The following NT5C2 variants were observed in gnomAD, a reference collection of about 807,000 sequenced individuals.
The protein encoded by NT5C2 is 5'-nucleotidase, cytosolic II, also known as cytosolic purine 5'-nucleotidase.
In NT5C2, 58 loss-of-function variants were observed where a neutral mutation model predicts 76.1. That is an observed-to-expected ratio of 0.76 (90% CI 0.62 to 0.95). The LOEUF (loss-of-function observed/expected upper bound fraction) is 0.95. Ranked by LOEUF, NT5C2 falls within the 40% of genes least tolerant of loss-of-function variation. The probability of loss-of-function intolerance (pLI) is 0.00; values close to 1 mark genes in which losing one functional copy is unlikely to be tolerated. For missense variants in NT5C2, 478 were observed against 690.3 expected, an observed-to-expected ratio of 0.69 and a Z score of 3.45; for synonymous variants, 229 against 237.4, an observed-to-expected ratio of 0.96 and a Z score of 0.32.
chr10:103,125,183 C>A, intron 4 of NT5C2: 1 of 628,594 alleles, frequency 1.6e-6, no homozygotes, highest in Non-Finnish European at 2.9e-6. Flanking sequence ...AAATCTGGGA[C>A]TCATCCCTCC....
chr10:103,102,627 A>C (rs539388574), intron 6 of NT5C2, among the ~76,000 whole-genome samples: 7 of 151,978 alleles, frequency 4.6e-5, no homozygotes, highest in Non-Finnish European at 1.5e-5. Context: ...GAGATTACCA[A>C]GGTAAAATAA....
intron 4 of NT5C2, among the ~76,000 whole-genome samples, chr10:103,124,771 G>T (rs2076355204): frequency 6.6e-6 from 1 of 151,572 alleles, no homozygotes. Context: ...ACACCATGAG[G>T]TTTTTTTCCA....
At chr10:103,130,871 T>C (rs977614634) in intron 4 of NT5C2, among the ~76,000 whole-genome samples, 1 of 152,114 alleles carries the variant, frequency 6.6e-6, no homozygotes, top group African/African-American at 2.4e-5. Flanking sequence ...CCAAAGAAGG[T>C]CTTCTGTAGC....
intron 3 of NT5C2, among the ~76,000 whole-genome samples, chr10:103,163,867 A>C (rs1287240804): frequency 9.4e-5 from 11 of 117,066 alleles, no homozygotes; most frequent in South Asian, 2.5e-4. Flanking sequence ...ATACAAAAAA[A>C]AAACAAAAAA....
chr10:103,192,994 G>A (rs917244573), intron 1 of NT5C2, among the ~76,000 whole-genome samples: 26 of 152,044 alleles, frequency 1.7e-4, no homozygotes, highest in African/African-American at 5.1e-4. Flanking sequence ...CGGCGCGGAG[G>A]AAGGGGCTGC....
chr10:103,185,665 G>GAA (rs75386040), intron 1 of NT5C2, among the ~76,000 whole-genome samples: 11 of 116,414 alleles, frequency 9.4e-5, no homozygotes, highest in African/African-American at 3.1e-4. Context: ...AAAAAAAAAG[G>GAA]AAAAAAAAAA....
At chr10:103,126,797 C>T (rs980024111) in intron 4 of NT5C2, among the ~76,000 whole-genome samples, 18 of 152,148 alleles carry the variant, frequency 1.2e-4, no homozygotes, top group African/African-American at 4.3e-4. Flanking sequence ...CACAGGTCCA[C>T]TTATATGCGG....
chr10:103,181,447 T>C (rs1314244552), intron 1 of NT5C2, 119 bp from the exon 2 acceptor site: 1 of 152,082 alleles, frequency 6.6e-6, no homozygotes, highest in Non-Finnish European at 1.5e-5. Flanking sequence ...TCTAGGCAAC[T>C]GCTGAAAACA....
chr10:103,112,759 C>T (rs1397837791), intron 4 of NT5C2, among the ~76,000 whole-genome samples: 4 of 152,130 alleles, frequency 2.6e-5, no homozygotes, highest in Non-Finnish European at 5.9e-5. Context: ...CCCAACCACC[C>T]AAGAATAGTC....
chr10:103,177,470 C>T lies in NT5C2; in HGVS notation c.-24-2488G>A, dbSNP rs139804825. Among the ~76,000 whole-genome samples the T allele has an allele frequency of 5.6e-3, 859 of 152,110 alleles. 4 individuals carry two copies. Among genetic ancestry groups the T allele is most frequent in the Middle Eastern group, 0.031 (9 of 294 alleles). ...GAAAACATCTGTAGCCTGTTATTTC[C>T]CATCTTGAAAATGCTAACATCGTTT... On this transcript the variant is annotated intron_variant, in intron 2 of 18. Coordinates refer to ENST00000404739, the MANE Select transcript of NT5C2 (RefSeq NM_001351169.2).
At chr10:103,112,600 T>G (rs1168688277) in intron 4 of NT5C2, among the ~76,000 whole-genome samples, 1 of 152,230 alleles carries the variant, frequency 6.6e-6, no homozygotes, top group African/African-American at 2.4e-5. Context: ...TAGAGACATT[T>G]AGGTTTTTGA....
intron 3 of NT5C2, among the ~76,000 whole-genome samples, chr10:103,151,475 A>C (rs1170823906): frequency 2.6e-5 from 4 of 151,688 alleles, no homozygotes; most frequent in African/African-American, 4.8e-5. Context: ...AAAAAAAAAA[A>C]AAAACACTAG....
chr10:103,113,393 G>A (rs2073541155), intron 4 of NT5C2, among the ~76,000 whole-genome samples: 2 of 152,070 alleles, frequency 1.3e-5, no homozygotes, highest in Admixed American at 6.5e-5. Flanking sequence ...TTTCAGTACT[G>A]TTTTCAATTT....
intron 3 of NT5C2, among the ~76,000 whole-genome samples, chr10:103,144,517 A>C (rs2081147963): frequency 6.6e-6 from 1 of 152,224 alleles, no homozygotes; most frequent in African/African-American, 2.4e-5. Context: ...TACTGTCATG[A>C]AAATATATCA....
chr10:103,192,658 G>A (rs1395222149), intron 1 of NT5C2, among the ~76,000 whole-genome samples: 1 of 152,156 alleles, frequency 6.6e-6, no homozygotes, highest in Non-Finnish European at 1.5e-5. Flanking sequence ...AAACGAGCTG[G>A]CCGTTTCTCG....
chr10:103,172,789 C>T (rs1020194898), intron 3 of NT5C2, among the ~76,000 whole-genome samples: 1 of 152,112 alleles, frequency 6.6e-6, no homozygotes, highest in Non-Finnish European at 1.5e-5. Context: ...GAGCTGAGAT[C>T]GCATCACTGC....
chr10:103,118,590 G>A (rs1157656941), intron 4 of NT5C2, among the ~76,000 whole-genome samples: 2 of 152,078 alleles, frequency 1.3e-5, no homozygotes, highest in African/African-American at 4.8e-5. Flanking sequence ...CTAGGTGCAA[G>A]CAATCCATCT....
chr10:103,127,201 A>G (rs1229605874), intron 4 of NT5C2, among the ~76,000 whole-genome samples: 1 of 152,252 alleles, frequency 6.6e-6, no homozygotes, highest in Non-Finnish European at 1.5e-5. Context: ...ATCTACAACA[A>G]TACAGACATA....
intron 2 of NT5C2, among the ~76,000 whole-genome samples, chr10:103,178,712 C>A (rs1046955848): frequency 1.3e-5 from 2 of 151,590 alleles, no homozygotes; most frequent in African/African-American, 4.8e-5. Flanking sequence ...CATCTGTAAT[C>A]CCAGCTACTC....
Sources: gnomAD v4.1 joint callset for allele counts (sites outside exome capture counted in the v4.1 genomes callset) on GRCh38, gnomAD v4.1.1 for gene constraint, MANE v1.5 for transcripts, NCBI Gene and HGNC (gene_info 2026-07-23, HGNC 2026-07-21) for gene names.